NCOA3: variants seen among roughly 807,000 people sequenced by gnomAD.
NCOA3 encodes the protein CBP-interacting protein.
In NCOA3, 51 loss-of-function variants were observed where a neutral mutation model predicts 158.8. The observed-to-expected ratio is 0.32, with a 90% CI of 0.26 to 0.41. The LOEUF (loss-of-function observed/expected upper bound fraction) is 0.41. Ranked by LOEUF, NCOA3 falls within the 10% of genes least tolerant of loss-of-function variation. The pLI, the probability that NCOA3 is intolerant of heterozygous loss-of-function variation, is 1.00. For missense variants in NCOA3, 1,510 were observed against 1,746.6 expected (o/e 0.86, Z 2.41); for synonymous variants, 537 against 592.4 (o/e 0.91, Z 1.36).
At chr20:47,642,153 A>C in intron 16 of NCOA3, 60 bp from the exon 17 acceptor site, 9 of 1,220,678 alleles carry the variant, frequency 7.4e-6, no homozygotes, top group Non-Finnish European at 1.0e-5. Flanking sequence ...GGTTGCTGTG[A>C]TCTATTACTC....
intron 1 of NCOA3, among the ~76,000 whole-genome samples, chr20:47,578,893 C>A (rs990885342): frequency 3.9e-5 from 6 of 152,114 alleles, no homozygotes; most frequent in African/African-American, 1.4e-4. Flanking sequence ...AGAATCCTTG[C>A]CCCTTTTCAT....
At chr20:47,562,333 A>C (rs950136735) in intron 1 of NCOA3, among the ~76,000 whole-genome samples, 1 of 152,222 alleles carries the variant, frequency 6.6e-6, no homozygotes, top group South Asian at 2.1e-4. Context: ...CTGTCTTCCA[A>C]AATGGCTTTT....
At chr20:47,623,793 G>GAAA in intron 3 of NCOA3, 118 bp from the exon 4 acceptor site, 27 of 802,916 alleles carry the variant, frequency 3.4e-5, no homozygotes, top group Non-Finnish European at 4.5e-5. Flanking sequence ...CTGTCTCGAG[G>GAAA]AAAAAAAAAA....
Position 47,545,532 on chromosome 20 carries a change from G to A in NCOA3, c.-98-37651G>A, listed in dbSNP as rs935790948. On this transcript the variant is annotated intron_variant, in intron 1 of 22. Coordinates refer to ENST00000371998, the MANE Select transcript of NCOA3 (RefSeq NM_181659.3). ...ACACATTTTTCCTTGGGCATTCAGT[G>A]AGTCTTTTCAATATGTATTAATAGT... is the stretch of plus-strand genomic sequence containing the variant. 3.3e-5 allele frequency among the ~76,000 whole-genome samples: 5 copies of A among 151,900 alleles called. No individual in the cohort carries two copies. The South Asian group carries it at 6.2e-4, about 19-fold the overall frequency.
chr20:47,563,843 G>A (rs1460164370), intron 1 of NCOA3, among the ~76,000 whole-genome samples: 1 of 149,954 alleles, frequency 6.7e-6, no homozygotes, highest in African/African-American at 2.5e-5. Flanking sequence ...GAGCCAAGAT[G>A]GTGCCACTGC....
intron 2 of NCOA3, among the ~76,000 whole-genome samples, chr20:47,595,201 C>T (rs149372606): frequency 1.4e-3 from 217 of 150,932 alleles, no homozygotes; most frequent in African/African-American, 4.0e-3. Context: ...TGGGTTCAAG[C>T]GATTCTGCTG....
At chr20:47,550,336 C>T (rs1447353100) in intron 1 of NCOA3, among the ~76,000 whole-genome samples, 1 of 148,846 alleles carries the variant, frequency 6.7e-6, no homozygotes, top group African/African-American at 2.5e-5. Context: ...CTCAGCTACT[C>T]GGGAGGCTGA....
At chr20:47,536,946 G>T (rs2084643448) in intron 1 of NCOA3, among the ~76,000 whole-genome samples, 1 of 151,728 alleles carries the variant, frequency 6.6e-6, no homozygotes. Context: ...TGGGATTACA[G>T]GTGTGCGCCA....
chr20:47,579,405 T>C (rs2085418529), intron 1 of NCOA3, among the ~76,000 whole-genome samples: 1 of 152,238 alleles, frequency 6.6e-6, no homozygotes, highest in South Asian at 2.1e-4. Flanking sequence ...GTCAGTATGA[T>C]TTGGTTTTTG....
intron 2 of NCOA3, among the ~76,000 whole-genome samples, chr20:47,603,316 G>T (rs1474019507): frequency 6.6e-6 from 1 of 152,238 alleles, no homozygotes; most frequent in Admixed American, 6.5e-5. Context: ...GTGCGACAGG[G>T]CTGTGGCTCA....
chr20:47,648,188 A>T (rs184489740), intron 18 of NCOA3, among the ~76,000 whole-genome samples: 23 of 152,194 alleles, frequency 1.5e-4, no homozygotes, highest in Middle Eastern at 3.4e-3. Context: ...TACAGGTGTG[A>T]GCCACCGTGT....
intron 1 of NCOA3, among the ~76,000 whole-genome samples, chr20:47,535,802 G>T (rs776631715): frequency 6.6e-6 from 1 of 152,000 alleles, no homozygotes; most frequent in Non-Finnish European, 1.5e-5. Context: ...CACTGCGCCC[G>T]GCCGAGTGCA....
chr20:47,579,095 T>G (rs1311998016), intron 1 of NCOA3, among the ~76,000 whole-genome samples: 1 of 152,194 alleles, frequency 6.6e-6, no homozygotes, highest in Non-Finnish European at 1.5e-5. Flanking sequence ...AATTTGATGT[T>G]TGATTTCCCC....
At chr20:47,597,482 CTTT>C (rs772828107) in intron 2 of NCOA3, among the ~76,000 whole-genome samples, 2 of 125,324 alleles carry the variant, frequency 1.6e-5, no homozygotes, top group Admixed American at 8.0e-5. Context: ...CTAACCTGTG[CTTT>C]TTTTTTTTTT....
chr20:47,625,315 A>G, intron 4 of NCOA3, 66 bp from the exon 5 acceptor site: 1 of 1,076,084 alleles, frequency 9.3e-7, no homozygotes, highest in Non-Finnish European at 1.4e-6. Flanking sequence ...TCTGGGGACT[A>G]TTCGAAGGTG....
chr20:47,569,359 C>T lies in NCOA3; in HGVS notation c.-98-13824C>T, dbSNP rs6018556. ...CAGACCCTATCTCCCCACCCCATAC[C>T]GTCCCCCAATAAAAAATAAATAATT... On this transcript the variant is annotated intron_variant, in intron 1 of 22. Coordinates refer to ENST00000371998, the MANE Select transcript of NCOA3 (RefSeq NM_181659.3). Among the ~76,000 whole-genome samples, 1,105 of 151,882 alleles carry T rather than the reference C, an allele frequency of 7.3e-3. 22 individuals carry two copies. The highest frequency in any genetic ancestry group is 0.025 in the African/African-American group (1,045 of 41,442).
Position 47,611,613 on chromosome 20 carries a change from G to A in NCOA3, c.-19-10616G>A, listed in dbSNP as rs899885562. Among the ~76,000 whole-genome samples, 13 of 152,128 alleles carry A rather than the reference G, an allele frequency of 8.5e-5. No individual in the cohort carries two copies. The South Asian group carries it at 1.5e-3, about 17-fold the overall frequency. On this transcript the variant is annotated intron_variant, in intron 2 of 22. Coordinates refer to ENST00000371998, the MANE Select transcript of NCOA3 (RefSeq NM_181659.3). ...TCGAGACCAGCCTGGCCAACATGGCGAAACCCCGACTCTACTAATAATACA... is the reference window on the plus strand; with the variant it reads ...TCGAGACCAGCCTGGCCAACATGGCAAAACCCCGACTCTACTAATAATACA...
intron 2 of NCOA3, among the ~76,000 whole-genome samples, chr20:47,586,898 G>C (rs910434300): frequency 1.3e-5 from 2 of 152,164 alleles, no homozygotes; most frequent in African/African-American, 4.8e-5. Context: ...CCCTTATTGT[G>C]ATGCAAATTT....
rs377183055 is a variant in NCOA3, at chr20:47,656,483, C to G, written c.*3066C>G. ...AATGGATTGCCAGTTACATGTATGC[C>G]TGCCCAGTTCCCTTTTTATTTGCAG... On this transcript the variant is annotated 3_prime_UTR_variant, in exon 23 of 23. Transcript: ENST00000371998. 1.4e-4 allele frequency: 21 copies of G among 152,400 alleles called. No homozygotes were observed. Among genetic ancestry groups the G allele is most frequent in the African/African-American group, 4.8e-4 (20 of 41,544 alleles). 9.4% of individuals were successfully genotyped at this position (152,400 alleles called of 1,614,324 possible). A position where few individuals can be genotyped will look rare whatever the true frequency, so the allele number is the denominator to read the frequency against.
Sources: allele counts gnomAD v4.1 joint callset (sites outside exome capture counted in the v4.1 genomes callset), GRCh38; gene constraint gnomAD v4.1.1; transcripts MANE v1.5; gene names NCBI Gene and HGNC (gene_info 2026-07-23, HGNC 2026-07-21).